The following KIF26A variants were observed in gnomAD, a reference collection of about 807,000 sequenced individuals.
The protein encoded by KIF26A is kinesin-like protein KIF26A.
In KIF26A, 74 loss-of-function variants were observed where a neutral mutation model predicts 126.0. The ratio of observed to expected loss-of-function variants is 0.59; its 90% CI spans 0.49 to 0.71. The LOEUF is 0.71. KIF26A is among the 30% of genes least tolerant of loss of function. The pLI is 0.00. For missense variants in KIF26A, 2,984 were observed against 2,763.3 expected (o/e 1.08, Z -1.79); for synonymous variants, 1,445 against 1,232.7 (o/e 1.17, Z -3.61).
At position 104,176,731 on chromosome 14, in the gene KIF26A, G is replaced by A; in HGVS notation, c.3943G>A (p.Val1315Met). The change falls in exon 12 of 15, where the codon GTG becomes ATG. Residue 1315 changes from valine (V) to methionine (M), a missense_variant. Val to Met is a conservative substitution (Grantham distance 21). Coordinates refer to ENST00000423312, the MANE Select transcript of KIF26A (RefSeq NM_015656.2). ...PLRRGATTLG[V>M]TTPAVSWGDA... Reference sequence around the variant, plus strand: ...GCGGAGGGGTGCCACCACGCTGGGTGTGACAACGCCAGCTGTGTCCTGGGG... The same window carrying A: ...GCGGAGGGGTGCCACCACGCTGGGTATGACAACGCCAGCTGTGTCCTGGGG... The A allele has an allele frequency of 6.3e-7, 1 of 1,587,628 alleles. No homozygotes were observed. The highest frequency in any genetic ancestry group is 1.7e-5 in the Admixed American group (1 of 57,270).
At chr14:104,142,577 C>T (rs2037647033) in intron 2 of KIF26A, among the ~76,000 whole-genome samples, 2 of 152,138 alleles carry the variant, frequency 1.3e-5, no homozygotes, top group Admixed American at 1.3e-4. Flanking sequence ...CTCAGGGGCC[C>T]CTTCTCAGGT....
At chr14:104,157,037 C>T (rs978987086) in intron 3 of KIF26A, among the ~76,000 whole-genome samples, 1 of 152,148 alleles carries the variant, frequency 6.6e-6, no homozygotes, top group Non-Finnish European at 1.5e-5. Context: ...GCCTTCCCTG[C>T]CTTGCCTGGG....
chr14:104,174,941 A>G, intron 11 of KIF26A, 41 bp from the exon 12 acceptor site: 3 of 1,481,428 alleles, frequency 2.0e-6, no homozygotes, highest in Non-Finnish European at 2.7e-6. Flanking sequence ...GGGGGCGTGT[A>G]GGGGAGACTG....
In KIF26A at chr14:104,158,550, G is replaced by C. The variant is rs529121408; in HGVS notation, c.923+608G>C. Among the ~76,000 whole-genome samples, 15 of 152,316 alleles carry C rather than the reference G, an allele frequency of 9.8e-5. No homozygotes were observed. The South Asian group carries it at 2.7e-3, about 27-fold the overall frequency. On this transcript the variant is annotated intron_variant, in intron 4 of 14. Coordinates refer to ENST00000423312, the MANE Select transcript of KIF26A (RefSeq NM_015656.2). ...GCTCCACCAGGAGCATCCCACATTG[G>C]GGGACCATGTCTGACATCACTTGGT...
At chr14:104,155,348 G>A (rs2141097917) in intron 3 of KIF26A, among the ~76,000 whole-genome samples, 1 of 152,348 alleles carries the variant, frequency 6.6e-6, no homozygotes, top group South Asian at 2.1e-4. Flanking sequence ...GTTCCCCGAG[G>A]TTGCAGGTGC....
chr14:104,138,618 G>T lies in KIF26A; in HGVS notation c.-105G>T. On this transcript the variant is annotated 5_prime_UTR_variant, in exon 1 of 15. Coordinates refer to ENST00000423312, the MANE Select transcript of KIF26A (RefSeq NM_015656.2). ...AGGCTCTGCGAACTTCCGAGCGGCT[G>T]GGCCGGGCCATGGGGGCGCCTCGGG... 1.1e-6 allele frequency: 1 copy of T among 923,656 alleles called. No homozygotes were observed. The highest frequency in any genetic ancestry group is 1.4e-6 in the Non-Finnish European group (1 of 719,840). 57.2% of individuals were successfully genotyped at this position (923,656 alleles called of 1,614,324 possible).
intron 2 of KIF26A, among the ~76,000 whole-genome samples, chr14:104,143,039 T>C (rs1411845446): frequency 3.3e-5 from 5 of 152,228 alleles, no homozygotes; most frequent in East Asian, 1.9e-4. Context: ...AGACACGTCA[T>C]GTGAGGTGTT....
intron 11 of KIF26A, 91 bp from the exon 12 acceptor site, chr14:104,174,891 C>T (rs749615139): frequency 1.3e-5 from 17 of 1,322,124 alleles, no homozygotes; most frequent in South Asian, 3.1e-5. Context: ...TCACAGTGAC[C>T]GCAGCATTGG....
chr14:104,179,089 A>T, intron 13 of KIF26A, 147 bp from the exon 14 acceptor site: 1 of 910,588 alleles, frequency 1.1e-6, no homozygotes, highest in Non-Finnish European at 1.5e-6. Flanking sequence ...GGGCTGCCCC[A>T]GGTCCGCCCC....
Position 104,174,278 on chromosome 14 carries a change from C to T in KIF26A, c.2161C>T (p.Arg721Cys), listed in dbSNP as rs371784932. The stretch of plus-strand genomic sequence containing the variant: ...ACTCAGCACCGTGCAGCTCGCCGCC[C>T]GCATCCACCGCCTGCGCAGGAAGAA... Reference protein sequence around the residue: ...ETLSTVQLAARIHRLRRKKAK... With the variant: ...ETLSTVQLAACIHRLRRKKAK... The change falls in exon 11 of 15, where the codon CGC (arginine) becomes TGC (cysteine). Residue 721 changes from arginine (R) to cysteine (C), a missense_variant. Physicochemically the swap from Arg to Cys is radical, Grantham distance 180. Coordinates refer to ENST00000423312, the MANE Select transcript of KIF26A (RefSeq NM_015656.2). The T allele has an allele frequency of 2.3e-4, 358 of 1,560,296 alleles. 3 individuals are homozygous for T. The highest frequency in any genetic ancestry group is 1.8e-3 in the South Asian group (152 of 84,616).
At chr14:104,172,143 T>A (rs1471546046) in intron 6 of KIF26A, among the ~76,000 whole-genome samples, 2 of 152,226 alleles carry the variant, frequency 1.3e-5, no homozygotes, top group Non-Finnish European at 2.9e-5. Context: ...GCCGAGGCTC[T>A]GGGCCAAGTC....
chr14:104,143,380 G>A (rs1434709884), intron 2 of KIF26A, among the ~76,000 whole-genome samples: 4 of 152,208 alleles, frequency 2.6e-5, no homozygotes, highest in Non-Finnish European at 5.9e-5. Flanking sequence ...GTGTGGCTTG[G>A]CGAGTCCTGT....
chr14:104,166,597 C>T (rs1420841956), intron 4 of KIF26A, among the ~76,000 whole-genome samples: 1 of 152,152 alleles, frequency 6.6e-6, no homozygotes, highest in African/African-American at 2.4e-5. Context: ...GAGGGGCGCT[C>T]AGCCTGTGTG....
intron 4 of KIF26A, among the ~76,000 whole-genome samples, chr14:104,158,717 G>A (rs1468675033): frequency 6.6e-6 from 1 of 152,196 alleles, no homozygotes; most frequent in Non-Finnish European, 1.5e-5. Flanking sequence ...GGTGGGCCAG[G>A]CAGAGGGAAC....
chr14:104,165,148 T>A (rs1403338915), intron 4 of KIF26A, among the ~76,000 whole-genome samples: 2 of 152,078 alleles, frequency 1.3e-5, no homozygotes, highest in African/African-American at 2.4e-5. Context: ...TGTGTTTCTG[T>A]ATGCATGTGT....
At position 104,179,996 on chromosome 14, in the gene KIF26A, C is replaced by T. The variant is rs1250068629; in HGVS notation, c.*206C>T. On this transcript the variant is annotated 3_prime_UTR_variant, in exon 15 of 15. Transcript: ENST00000423312. ...GAGGGTGCCAGGGTGACCAGAAGAC[C>T]GTCACCACCCGACAGCAACGCAAGT... The T allele has an allele frequency of 2.9e-5, 14 of 486,350 alleles. No homozygotes were observed. Among genetic ancestry groups the T allele is most frequent in the Non-Finnish European group, 4.6e-5 (13 of 282,094 alleles). 30.1% of individuals were successfully genotyped at this position (486,350 alleles called of 1,614,324 possible).
rs543991399 is a variant in KIF26A, at chr14:104,176,065, G to T, written c.3277G>T (p.Gly1093Trp). ...CGCCTACACCTCTCAGGCCCCTGAGGGGGGGCCCCTGGAGGGGGCAGCCTG... is the reference window on the plus strand; with the variant it reads ...CGCCTACACCTCTCAGGCCCCTGAGTGGGGGCCCCTGGAGGGGGCAGCCTG... ...FDAYTSQAPE[G>W]GPLEGAAWAG... The change falls in exon 12 of 15, where the codon GGG (glycine) becomes TGG (tryptophan). Residue 1093 changes from glycine (G) to tryptophan (W), a missense_variant. By Grantham distance (184) the Gly-to-Trp change is radical. Transcript: ENST00000423312. 5.0e-6 allele frequency: 8 copies of T among 1,596,980 alleles called. No individual in the cohort carries two copies. The highest frequency in any genetic ancestry group is 2.2e-5 in the South Asian group (2 of 89,234).
chr14:104,156,858 C>T lies in KIF26A; in HGVS notation c.736-897C>T, dbSNP rs868313151. ...CCTCTGCTAGCCTGGGTACAAAGGA[C>T]GCCTCGGGCAGTGGTTATCGACTGG... is the stretch of plus-strand genomic sequence containing the variant. On this transcript the variant is annotated intron_variant, in intron 3 of 14. Coordinates refer to ENST00000423312, the MANE Select transcript of KIF26A (RefSeq NM_015656.2). 1.1e-4 allele frequency among the ~76,000 whole-genome samples: 16 copies of T among 152,188 alleles called. No homozygotes were observed. In the East Asian group the frequency reaches 1.3e-3, roughly 13 times the overall value.
rs186146826 is a variant in KIF26A at position 104,150,854 on chromosome 14, G to T, written c.289-1161G>T. Among the ~76,000 whole-genome samples the T allele has an allele frequency of 2.5e-4, 38 of 152,310 alleles. 1 individual carries two copies. The East Asian group carries it at 7.0e-3, about 28-fold the overall frequency. The stretch of plus-strand genomic sequence containing the variant: ...GGTGGTGTTCGGAAAGCCCTAGGTG[G>T]TCACAGCCACAGCAGCGCTGGGCTG... On this transcript the variant is annotated intron_variant, in intron 2 of 14. Transcript: ENST00000423312.
Sources: allele counts gnomAD v4.1 joint callset (sites outside exome capture counted in the v4.1 genomes callset), GRCh38; gene constraint gnomAD v4.1.1; transcripts MANE v1.5; gene names NCBI Gene and HGNC (gene_info 2026-07-23, HGNC 2026-07-21).